ACSL3: variants seen among roughly 807,000 people sequenced by gnomAD.
The protein encoded by ACSL3 is fatty acid CoA ligase Acsl3.
In ACSL3, 34 loss-of-function variants were observed where a neutral mutation model predicts 84.7. The observed-to-expected ratio is 0.40, with a 90% CI of 0.31 to 0.53. ACSL3 has a LOEUF of 0.53. ACSL3 is among the 20% of genes least tolerant of loss of function. ACSL3 has a pLI of 0.48. For synonymous variants in ACSL3, 315 were observed against 299.4 expected, an observed-to-expected ratio of 1.05 and a Z score of -0.54; for missense variants, 680 against 873.1, an observed-to-expected ratio of 0.78 and a Z score of 2.79.
intron 3 of ACSL3, among the ~76,000 whole-genome samples, chr2:222,907,386 C>CGTG (rs2106116632): frequency 6.6e-6 from 1 of 152,280 alleles, no homozygotes; most frequent in South Asian, 2.1e-4. Context: ...TGGCTGCTTG[C>CGTG]GTCACTTGGG....
intron 8 of ACSL3, 116 bp from the exon 9 acceptor site, chr2:222,922,592 C>T (rs1000556224): frequency 9.4e-6 from 12 of 1,279,030 alleles, no homozygotes; most frequent in Non-Finnish European, 1.3e-5. Context: ...CACACTTGAC[C>T]AGCAAATTGA....
intron 1 of ACSL3, among the ~76,000 whole-genome samples, chr2:222,868,713 G>A (rs764140579): frequency 6.6e-6 from 1 of 152,156 alleles, no homozygotes; most frequent in Non-Finnish European, 1.5e-5. Flanking sequence ...TTGGGAGGCC[G>A]AGGAGGGCGG....
At chr2:222,861,934 T>TA (rs1433154425) in intron 1 of ACSL3, among the ~76,000 whole-genome samples, 1 of 152,140 alleles carries the variant, frequency 6.6e-6, no homozygotes, top group African/African-American at 2.4e-5. Flanking sequence ...GGGTAGGTGT[T>TA]ATCAGGCTCG....
intron 1 of ACSL3, among the ~76,000 whole-genome samples, chr2:222,866,287 A>C (rs1302189640): frequency 2.0e-5 from 3 of 152,052 alleles, no homozygotes; most frequent in Non-Finnish European, 2.9e-5. Context: ...CTGGGACTAC[A>C]GGTGCCCACC....
intron 1 of ACSL3, among the ~76,000 whole-genome samples, chr2:222,862,467 T>A (rs79758481): frequency 0.023 from 3,470 of 152,282 alleles, 57 homozygotes; most frequent in Non-Finnish European, 0.025. Flanking sequence ...TTCTTTCATG[T>A]TTATCAACCT....
intron 1 of ACSL3, among the ~76,000 whole-genome samples, chr2:222,880,018 G>T (rs1163495147): frequency 6.6e-6 from 1 of 151,270 alleles, no homozygotes; most frequent in Non-Finnish European, 1.5e-5. Flanking sequence ...TACTACCTCT[G>T]TTAAAATTTT....
In ACSL3 at chr2:222,944,591, A is replaced by G. The variant is rs1697413314; in HGVS notation, c.*2937A>G. Reference sequence around the variant, plus strand: ...GGACTATTTATTTGTAATTTGACATAAAGTTTGAAGAATAAAGATCTATAA... The same window carrying G: ...GGACTATTTATTTGTAATTTGACATGAAGTTTGAAGAATAAAGATCTATAA... On this transcript the variant is annotated 3_prime_UTR_variant, in exon 17 of 17. Coordinates refer to ENST00000357430, the MANE Select transcript of ACSL3 (RefSeq NM_004457.5). 6.6e-6 allele frequency: 1 copy of G among 151,842 alleles called. No homozygotes were observed. 9.4% of individuals were successfully genotyped at this position (151,842 alleles called of 1,614,324 possible). A position where few individuals can be genotyped will look rare whatever the true frequency, so the allele number is the denominator to read the frequency against.
chr2:222,873,451 G>A (rs1470368474), intron 1 of ACSL3, among the ~76,000 whole-genome samples: 3 of 152,080 alleles, frequency 2.0e-5, no homozygotes, highest in African/African-American at 7.2e-5. Flanking sequence ...TGTCAATACT[G>A]TTGCTATATA....
rs553293946 is a variant in ACSL3, at chr2:222,886,220, C to T, written c.-206-1610C>T. Among the ~76,000 whole-genome samples, 30 of 152,168 alleles carry T rather than the reference C, an allele frequency of 2.0e-4. 1 individual carries two copies. Among genetic ancestry groups the T allele is most frequent in the Middle Eastern group, 6.8e-3 (2 of 294 alleles). ...ATTAGGTATTTGTCCTAATGTTCTC[C>T]CTCCCCTTACCCCACCCACCTACAG... is the stretch of plus-strand genomic sequence containing the variant. On this transcript the variant is annotated intron_variant, in intron 1 of 16. Transcript: ENST00000357430.
In ACSL3 at chr2:222,930,708, A is replaced by G; in HGVS notation, c.1628A>G (p.Glu543Gly). ...GTGACAATGGGGTACTACAAAAATG[A>G]AGCAAAAACAAAAGCTGATTTCTTT... ...QSVTMGYYKN[E>G]AKTKADFFED... The change falls in exon 14 of 17, where the codon GAA (glutamate) becomes GGA (glycine). Residue 543 changes from glutamate to glycine, a missense_variant. Glu to Gly is a moderately conservative substitution (Grantham distance 98). Coordinates refer to ENST00000357430, the MANE Select transcript of ACSL3 (RefSeq NM_004457.5). 6.2e-7 allele frequency: 1 copy of G among 1,614,210 alleles called. No individual in the cohort carries two copies. The highest frequency in any genetic ancestry group is 1.1e-5 in the South Asian group (1 of 91,086).
intron 1 of ACSL3, among the ~76,000 whole-genome samples, chr2:222,872,327 T>C (rs1366858814): frequency 6.6e-6 from 1 of 152,092 alleles, no homozygotes; most frequent in Admixed American, 6.5e-5. Context: ...GGTTTTACCA[T>C]GTTGGCCAGG....
At chr2:222,880,472 T>A (rs759845440) in intron 1 of ACSL3, among the ~76,000 whole-genome samples, 2 of 152,002 alleles carry the variant, frequency 1.3e-5, no homozygotes, top group Non-Finnish European at 2.9e-5. Context: ...TAAACTTGCG[T>A]TTGCTATTGT....
Position 222,880,550 on chromosome 2 carries a change from C to T in ACSL3, c.-206-7280C>T, listed in dbSNP as rs118006891. 1.3e-3 allele frequency among the ~76,000 whole-genome samples: 197 copies of T among 152,052 alleles called. 5 individuals carry two copies. In the East Asian group the frequency reaches 0.029, roughly 22 times the overall value. ...TATAAAAAAACTGTCAATTTTTGGC[C>T]GGGCGCGGTGGCTCATGCCTGTAAT... On this transcript the variant is annotated intron_variant, in intron 1 of 16. Transcript: ENST00000357430.
chr2:222,934,589 C>T lies in ACSL3; in HGVS notation c.1907C>T (p.Ala636Val). 1 of 1,603,338 alleles carries T rather than the reference C, an allele frequency of 6.2e-7. No individual in the cohort carries two copies. Among genetic ancestry groups the T allele is most frequent in the Non-Finnish European group, 8.5e-7 (1 of 1,175,228 alleles). ...VPNQKELTEL[A>V]RKKGLKGTWE... ...AATCAAAAGGAACTAACTGAACTAGCTCGAAAGAAAGGACTTAAAGGGACT... is the reference window on the plus strand; with the variant it reads ...AATCAAAAGGAACTAACTGAACTAGTTCGAAAGAAAGGACTTAAAGGGACT... The change falls in exon 16 of 17, where the codon GCT becomes GTT. Residue 636 changes from alanine (A) to valine (V), a missense_variant. Around this residue, in one of 2 missense-constraint regions of ACSL3, gnomAD observed 347 missense variants for 525.7 expected, o/e 0.66. Coordinates refer to ENST00000357430, the MANE Select transcript of ACSL3 (RefSeq NM_004457.5).
intron 5 of ACSL3, chr2:222,916,736 A>ATACGGC: frequency 9.2e-6 from 3 of 327,642 alleles, no homozygotes; most frequent in Admixed American, 4.6e-5. Flanking sequence ...TCAGGTCTTG[A>ATACGGC]GAACTAGACC....
intron 1 of ACSL3, among the ~76,000 whole-genome samples, chr2:222,877,875 A>G (rs1695490109): frequency 6.6e-6 from 1 of 152,228 alleles, no homozygotes; most frequent in Admixed American, 6.5e-5. Context: ...CATGTTAATT[A>G]TAGGTGATCA....
At chr2:222,882,554 A>G (rs965886471) in intron 1 of ACSL3, among the ~76,000 whole-genome samples, 13 of 152,100 alleles carry the variant, frequency 8.5e-5, no homozygotes, top group African/African-American at 2.7e-4. Context: ...GGAGCGGACA[A>G]TCTAGAACCC....
chr2:222,930,875 A>G (rs780877444), intron 14 of ACSL3, 63 bp downstream of exon 14: 182 of 1,429,568 alleles, frequency 1.3e-4, no homozygotes, highest in Non-Finnish European at 1.7e-4. Context: ...AAGAAGCACA[A>G]TATATTTAGA....
At chr2:222,927,813 G>A (rs913851256) in intron 12 of ACSL3, among the ~76,000 whole-genome samples, 6 of 152,108 alleles carry the variant, frequency 3.9e-5, no homozygotes, top group African/African-American at 1.2e-4. Context: ...TGCCATATAC[G>A]GATAGATACA....
Sources: allele counts gnomAD v4.1 joint callset (sites outside exome capture counted in the v4.1 genomes callset), GRCh38; gene constraint gnomAD v4.1.1; regional missense constraint gnomAD v4.1.1; transcripts MANE v1.5; gene names NCBI Gene and HGNC (gene_info 2026-07-23, HGNC 2026-07-21).